Variants in FOXP2 observed in about 807,000 individuals in gnomAD.
FOXP2 encodes the protein forkhead box protein P2.
Under a neutral mutation model 115.8 loss-of-function variants are expected in FOXP2, and 12 were observed. The observed-to-expected ratio is 0.10, with a 90% CI of 0.07 to 0.17. The LOEUF (loss-of-function observed/expected upper bound fraction) is 0.17, where lower values mean the gene tolerates loss of function less well. Ranked by LOEUF, FOXP2 falls within the 10% of genes least tolerant of loss-of-function variation. FOXP2 has a pLI of 1.00. For missense variants in FOXP2, 629 were observed against 843.5 expected (o/e 0.75, Z 3.15); for synonymous variants, 328 against 297.7 (o/e 1.10, Z -1.05).
intron 2 of FOXP2, among the ~76,000 whole-genome samples, chr7:114,400,445 T>C (rs536462792): frequency 6.6e-6 from 1 of 152,162 alleles, no homozygotes; most frequent in Non-Finnish European, 1.5e-5. Flanking sequence ...GTAAAAGCAA[T>C]ACACACCTAT....
intron 3 of FOXP2, among the ~76,000 whole-genome samples, chr7:114,586,338 A>T (rs1802127480): frequency 6.6e-6 from 1 of 152,150 alleles, no homozygotes. Context: ...TATTTCAGGA[A>T]TAAAGAGATT....
At chr7:114,359,629 C>T (rs761759891) in intron 2 of FOXP2, among the ~76,000 whole-genome samples, 1 of 152,236 alleles carries the variant, frequency 6.6e-6, no homozygotes, top group Non-Finnish European at 1.5e-5. Flanking sequence ...CTTGGATCAG[C>T]ATGACCTGGA....
intron 1 of FOXP2, among the ~76,000 whole-genome samples, chr7:114,112,557 C>T (rs1032753474): frequency 2.0e-5 from 3 of 152,118 alleles, no homozygotes; most frequent in Non-Finnish European, 2.9e-5. Context: ...ACCTCGGCCT[C>T]CCAAAGTGCT....
chr7:114,563,559 C>T lies in FOXP2; in HGVS notation c.258+28853C>T, dbSNP rs77543187. The stretch of plus-strand genomic sequence containing the variant: ...CCATCATTATATATACAGAGCTCTG[C>T]GTGTGATGCTGACCCACAAGGTGGG... On this transcript the variant is annotated intron_variant, in intron 3 of 16. Transcript: ENST00000350908. Among the ~76,000 whole-genome samples the T allele has an allele frequency of 3.9e-3, 600 of 152,266 alleles. 8 individuals carry two copies. The highest frequency in any genetic ancestry group is 0.014 in the African/African-American group (568 of 41,540).
At chr7:114,263,024 C>G (rs1795795125) in intron 1 of FOXP2, among the ~76,000 whole-genome samples, 1 of 152,298 alleles carries the variant, frequency 6.6e-6, no homozygotes, top group East Asian at 1.9e-4. Context: ...CCTTTTAGCT[C>G]TGTTGCACAG....
intron 1 of FOXP2, among the ~76,000 whole-genome samples, chr7:114,103,740 A>T (rs1332395264): frequency 6.6e-6 from 1 of 152,036 alleles, no homozygotes; most frequent in Non-Finnish European, 1.5e-5. Flanking sequence ...GTTTCCTTTT[A>T]TATATGAAAG....
chr7:114,311,801 CT>C (rs1797151944), intron 2 of FOXP2, among the ~76,000 whole-genome samples: 1 of 152,160 alleles, frequency 6.6e-6, no homozygotes, highest in African/African-American at 2.4e-5. Flanking sequence ...CTACATTTCA[CT>C]TTTAATTGTT....
chr7:114,339,104 A>C (rs1397291419), intron 2 of FOXP2, among the ~76,000 whole-genome samples: 1 of 151,160 alleles, frequency 6.6e-6, no homozygotes, highest in Non-Finnish European at 1.5e-5. Flanking sequence ...GAAAGGCAAG[A>C]GCTGTTGAAA....
intron 7 of FOXP2, 109 bp from the exon 8 acceptor site, chr7:114,644,576 T>C: frequency 1.2e-6 from 1 of 837,846 alleles, no homozygotes; most frequent in Non-Finnish European, 2.0e-6. Context: ...CTGAGCTGAA[T>C]TGACCTGTTT....
rs367927580 is a variant in FOXP2, at chr7:114,210,823, C to G, written c.-102+47735C>G. ...GCTTCATCCCAGGGAGGGATAAGCT[C>G]TATCTGTAGGACCCTTCTGGAGTGG... On this transcript the variant is annotated intron_variant, in intron 1 of 17. Coordinates refer to the FOXP2 transcript ENST00000634411. Among the ~76,000 whole-genome samples the G allele has an allele frequency of 7.2e-5, 11 of 152,254 alleles. No homozygotes were observed. In the East Asian group the frequency reaches 2.1e-3, roughly 29 times the overall value.
chr7:114,644,783 T>A lies in FOXP2; in HGVS notation c.1088T>A (p.Phe363Tyr). 6.2e-7 allele frequency: 1 copy of A among 1,613,798 alleles called. No individual in the cohort carries two copies. Among genetic ancestry groups the A allele is most frequent in the Non-Finnish European group, 8.5e-7 (1 of 1,179,844 alleles). Residue 363 changes from phenylalanine to tyrosine, a missense_variant, in exon 8 of 17, where the codon TTT becomes TAT. Phe to Tyr is a conservative substitution (Grantham distance 22). This residue lies in a region of FOXP2 where 24 missense variants were observed against 76.3 expected (regional missense o/e 0.31). Coordinates refer to ENST00000350908, the MANE Select transcript of FOXP2 (RefSeq NM_014491.4). ...AGCATTTGTGAAGATTTTGGACAGT[T>A]TTTAAAGTAGGTTTTTTACTTTTTT... Reference protein sequence around the residue: ...CESICEDFGQFLKHLNNEHAL... With the variant: ...CESICEDFGQYLKHLNNEHAL...
chr7:114,167,872 G>C (rs1083155), intron 1 of FOXP2, among the ~76,000 whole-genome samples: 129,586 of 150,054 alleles, frequency 0.86, 56,366 homozygotes, highest in Non-Finnish European at 0.92. Context: ...GGAGGCAGAG[G>C]TTGCAGTGAG....
chr7:114,225,479 C>G (rs1484228952), intron 1 of FOXP2, among the ~76,000 whole-genome samples: 2 of 151,930 alleles, frequency 1.3e-5, no homozygotes, highest in Admixed American at 6.6e-5. Flanking sequence ...GGGTCTTTCT[C>G]CATTGCCCAG....
intron 1 of FOXP2, among the ~76,000 whole-genome samples, chr7:114,419,036 G>T (rs1793477579): frequency 6.6e-6 from 1 of 151,820 alleles, no homozygotes; most frequent in Admixed American, 6.6e-5. Flanking sequence ...TTATCAACTG[G>T]CTATATTTTT....
At chr7:114,201,307 C>CA (rs113441939) in intron 1 of FOXP2, among the ~76,000 whole-genome samples, 9 of 151,810 alleles carry the variant, frequency 5.9e-5, no homozygotes, top group Middle Eastern at 3.2e-3. Flanking sequence ...CCCATTTCTA[C>CA]AAAAAACGAA....
chr7:114,607,327 C>T (rs1048330257), intron 3 of FOXP2, among the ~76,000 whole-genome samples: 2 of 152,070 alleles, frequency 1.3e-5, no homozygotes, highest in Non-Finnish European at 2.9e-5. Flanking sequence ...TTTCTATCAA[C>T]TGAGGGGAAG....
At chr7:114,443,626 A>G (rs890234871) in intron 2 of FOXP2, among the ~76,000 whole-genome samples, 1 of 152,066 alleles carries the variant, frequency 6.6e-6, no homozygotes, top group African/African-American at 2.4e-5. Context: ...AACTTTGTCC[A>G]TATGTACTCA....
chr7:114,629,871 C>G lies in FOXP2; in HGVS notation c.463C>G (p.Gln155Glu), dbSNP rs1338895971. The part of the protein sequence containing the change: ...QLHLQLLQQQ[Q>E]QQQQQQQQQQ... The stretch of plus-strand genomic sequence containing the variant: ...ACATCTTCAGCTTTTGCAGCAGCAG[C>G]AGCAACAGCAGCAGCAGCAACAACA... The change falls in exon 5 of 17, where the codon CAG becomes GAG. Residue 155 changes from glutamine (Q) to glutamate (E), a missense_variant. Transcript: ENST00000350908. 6.2e-7 allele frequency: 1 copy of G among 1,613,386 alleles called. No individual in the cohort carries two copies. Among genetic ancestry groups the G allele is most frequent in the Non-Finnish European group, 8.5e-7 (1 of 1,179,848 alleles).
intron 2 of FOXP2, among the ~76,000 whole-genome samples, chr7:114,309,630 AT>A (rs949543988): frequency 1.3e-5 from 2 of 152,030 alleles, no homozygotes; most frequent in African/African-American, 4.8e-5. Flanking sequence ...CAGCAGCTAC[AT>A]TTTTTTCCCC....
Sources: gnomAD v4.1 joint callset for allele counts (sites outside exome capture counted in the v4.1 genomes callset) on GRCh38, gnomAD v4.1.1 for gene constraint, gnomAD v4.1.1 regional missense constraint, MANE v1.5 for transcripts, NCBI Gene and HGNC (gene_info 2026-07-23, HGNC 2026-07-21) for gene names.